The following QTMAN variants were observed in gnomAD, a reference collection of about 807,000 sequenced individuals.
QTMAN encodes the protein queuosine-tRNA mannosyltransferase.
the QTMAN span, among the ~76,000 whole-genome samples, chr2:144,203,591 A>C: frequency 1.3e-5 from 2 of 152,168 alleles, no homozygotes; most frequent in Non-Finnish European, 2.9e-5. Context: ...GAAAATTCAA[A>C]TGAACTGTGA....
the QTMAN span, among the ~76,000 whole-genome samples, chr2:143,949,168 A>G: frequency 3.9e-5 from 6 of 151,996 alleles, no homozygotes; most frequent in African/African-American, 1.4e-4. Flanking sequence ...ACACACATAC[A>G]TGCAAATGAG....
the QTMAN span, among the ~76,000 whole-genome samples, chr2:143,962,856 T>C: frequency 1.7e-4 from 26 of 152,280 alleles, no homozygotes; most frequent in African/African-American, 5.5e-4. Flanking sequence ...TAGAGTAATA[T>C]AGTTCAGGAA....
At chr2:144,045,979 T>C in the QTMAN span, among the ~76,000 whole-genome samples, 70 of 152,314 alleles carry the variant, frequency 4.6e-4, no homozygotes, top group African/African-American at 1.4e-3. Context: ...AATAATCAAA[T>C]CTGATGCTGC....
chr2:144,303,581 A>G, the QTMAN span, among the ~76,000 whole-genome samples: 1 of 152,208 alleles, frequency 6.6e-6, no homozygotes, highest in Non-Finnish European at 1.5e-5. Context: ...ATGTTCAACA[A>G]TTTTTTGTGA....
At chr2:144,133,180 AT>A in the QTMAN span, among the ~76,000 whole-genome samples, 1 of 45,794 alleles carries the variant, frequency 2.2e-5, no homozygotes, top group Non-Finnish European at 3.9e-5. Flanking sequence ...ATAAATATAT[AT>A]AATATAAATT....
the QTMAN span, among the ~76,000 whole-genome samples, chr2:144,171,889 A>G: frequency 6.6e-6 from 1 of 152,184 alleles, no homozygotes; most frequent in Non-Finnish European, 1.5e-5. Flanking sequence ...ACTTCAAAAA[A>G]ATATCTTCAC....
the QTMAN span, among the ~76,000 whole-genome samples, chr2:144,071,397 C>T: frequency 2.0e-5 from 3 of 151,628 alleles, no homozygotes; most frequent in South Asian, 2.1e-4. Context: ...AAATTAATCC[C>T]GATTATGCAA....
chr2:143,978,495 C>T, the QTMAN span, among the ~76,000 whole-genome samples: 11,916 of 152,188 alleles, frequency 0.078, 859 homozygotes, highest in African/African-American at 0.18. Context: ...GGATATTGTA[C>T]ACAGTCATTT....
the QTMAN span, among the ~76,000 whole-genome samples, chr2:144,116,844 C>A: frequency 5.3e-5 from 8 of 152,148 alleles, no homozygotes; most frequent in Non-Finnish European, 1.0e-4. Context: ...TTTAGAGCAG[C>A]GAGTCAGAAC....
At chr2:144,233,208 CTG>C in the QTMAN span, among the ~76,000 whole-genome samples, 1 of 152,052 alleles carries the variant, frequency 6.6e-6, no homozygotes, top group Non-Finnish European at 1.5e-5. Context: ...ATAATAAATT[CTG>C]AAGCAGACAA....
the QTMAN span, among the ~76,000 whole-genome samples, chr2:144,184,479 T>G: frequency 6.6e-6 from 1 of 152,168 alleles, no homozygotes; most frequent in East Asian, 1.9e-4. Context: ...CTATAATGCT[T>G]AGGAATTCTT....
At chr2:144,215,294 A>T in the QTMAN span, among the ~76,000 whole-genome samples, 2 of 150,860 alleles carry the variant, frequency 1.3e-5, no homozygotes. Flanking sequence ...ACACACACAC[A>T]CACATATATA....
chr2:144,253,198 C>A, the QTMAN span, among the ~76,000 whole-genome samples: 1 of 152,106 alleles, frequency 6.6e-6, no homozygotes, highest in Non-Finnish European at 1.5e-5. Flanking sequence ...TTTCGCCTTC[C>A]GCCATAATGG....
the QTMAN span, among the ~76,000 whole-genome samples, chr2:143,959,137 T>C: frequency 1.3e-5 from 2 of 152,112 alleles, no homozygotes; most frequent in Non-Finnish European, 2.9e-5. Context: ...TCTATTTTTC[T>C]AGAATCAATG....
chr2:144,274,484 A>G, the QTMAN span, among the ~76,000 whole-genome samples: 1 of 152,174 alleles, frequency 6.6e-6, no homozygotes, highest in East Asian at 1.9e-4. Flanking sequence ...ACCTTTTGGG[A>G]GGTGACAGGG....
the QTMAN span, among the ~76,000 whole-genome samples, chr2:143,980,140 T>C: frequency 6.6e-6 from 1 of 152,156 alleles, no homozygotes; most frequent in Non-Finnish European, 1.5e-5. Context: ...ACCTAGGTAT[T>C]AATCCCGGCA....
the QTMAN span, among the ~76,000 whole-genome samples, chr2:144,310,975 C>T: frequency 1.3e-5 from 2 of 151,884 alleles, no homozygotes; most frequent in Non-Finnish European, 2.9e-5. Context: ...GGAAATAATC[C>T]ATATTTGATT....
chr2:144,203,054 G>A, the QTMAN span, among the ~76,000 whole-genome samples: 3 of 151,930 alleles, frequency 2.0e-5, no homozygotes, highest in Non-Finnish European at 4.4e-5. Flanking sequence ...TGAAAACACT[G>A]ACAAAGGAAC....
chr2:144,008,487 G>A, the QTMAN span, among the ~76,000 whole-genome samples: 4 of 152,010 alleles, frequency 2.6e-5, no homozygotes, highest in Non-Finnish European at 5.9e-5. Flanking sequence ...AACTCCTCAG[G>A]AAATAACATG....
Sources: gnomAD v4.1 joint callset for allele counts (sites outside exome capture counted in the v4.1 genomes callset) on GRCh38, gnomAD v4.1.1 for gene constraint, MANE v1.5 for transcripts, NCBI Gene and HGNC (gene_info 2026-07-23, HGNC 2026-07-21) for gene names.